Variants in EIF4EBP1 observed in about 807,000 individuals in gnomAD.
The protein encoded by EIF4EBP1 is eukaryotic translation initiation factor 4E binding protein 1.
EIF4EBP1 carries 5 observed loss-of-function variants against 9.2 expected under a neutral mutation model. The observed-to-expected ratio is 0.54, with a 90% CI of 0.28 to 1.14. The LOEUF (loss-of-function observed/expected upper bound fraction) is 1.14. Ranked by LOEUF, EIF4EBP1 falls within the 50% of genes most tolerant of loss-of-function variation. The pLI, the probability that EIF4EBP1 is intolerant of heterozygous loss-of-function variation, is 0.09. For synonymous variants in EIF4EBP1, 62 were observed against 67.0 expected (o/e 0.93, Z 0.36); for missense variants, 139 against 169.6 (o/e 0.82, Z 1.00).
At chr8:38,032,153 G>T (rs900008579) in intron 1 of EIF4EBP1, among the ~76,000 whole-genome samples, 3 of 152,324 alleles carry the variant, frequency 2.0e-5, no homozygotes, top group African/African-American at 7.2e-5. Flanking sequence ...GAAGGCGCAG[G>T]TAGCCCTTTT....
chr8:38,047,286 C>T (rs1315465818), intron 1 of EIF4EBP1: 1 of 152,110 alleles, frequency 6.6e-6, no homozygotes, highest in Non-Finnish European at 1.5e-5. Context: ...ATCCCTAGCA[C>T]CTCGCATGGT....
chr8:38,052,673 G>A (rs1255850610), intron 1 of EIF4EBP1, among the ~76,000 whole-genome samples: 3 of 151,028 alleles, frequency 2.0e-5, no homozygotes, highest in Non-Finnish European at 4.4e-5. Flanking sequence ...AGCCGAGATC[G>A]CACCACTGCA....
At position 38,038,188 on chromosome 8, in the gene EIF4EBP1, G is replaced by A. The variant is rs536677852; in HGVS notation, c.145+7470G>A. On this transcript the variant is annotated intron_variant, in intron 1 of 2. Coordinates refer to ENST00000338825, the MANE Select transcript of EIF4EBP1 (RefSeq NM_004095.4). ...GTATGAAAGTGATATGTGTTCAGTA[G>A]GAATTGTACTTTTAAAAATTGTTTT... is the stretch of plus-strand genomic sequence containing the variant. 3.3e-5 allele frequency among the ~76,000 whole-genome samples: 5 copies of A among 152,112 alleles called. No homozygotes were observed. In the South Asian group the frequency reaches 1.0e-3, roughly 32 times the overall value.
chr8:38,049,918 CTTTTTTTT>C (rs33909903), intron 1 of EIF4EBP1, among the ~76,000 whole-genome samples: 1 of 145,404 alleles, frequency 6.9e-6, no homozygotes, highest in African/African-American at 2.5e-5. Flanking sequence ...TTTCTTTTTT[CTTTTTTTT>C]TTTGAGATGG....
chr8:38,043,950 G>T (rs1563415975), intron 1 of EIF4EBP1, among the ~76,000 whole-genome samples: 1 of 152,142 alleles, frequency 6.6e-6, no homozygotes, highest in Non-Finnish European at 1.5e-5. Flanking sequence ...TCCCTGGACT[G>T]TGTGGCGAGG....
intron 1 of EIF4EBP1, among the ~76,000 whole-genome samples, chr8:38,040,102 T>C (rs1323569282): frequency 6.6e-6 from 1 of 152,104 alleles, no homozygotes; most frequent in African/African-American, 2.4e-5. Flanking sequence ...AGGCTGGTCT[T>C]GAACTCCTGG....
chr8:38,037,143 C>T (rs1488407642), intron 1 of EIF4EBP1, among the ~76,000 whole-genome samples: 3 of 151,986 alleles, frequency 2.0e-5, no homozygotes, highest in South Asian at 2.1e-4. Context: ...ATGAATCACA[C>T]GTTTTTGTTT....
Position 38,059,947 on chromosome 8 carries a change from T to C in EIF4EBP1, c.*12T>C, listed in dbSNP as rs746922076. The C allele has an allele frequency of 1.2e-6, 2 of 1,614,106 alleles. No individual in the cohort carries two copies. Among genetic ancestry groups the C allele is most frequent in the Non-Finnish European group, 1.7e-6 (2 of 1,179,962 alleles). ...AGATGGACATTTAAAGCACCAGCCATCGTGTGGAGCACTACCAAGGGGCCC... is the reference window on the plus strand; with the variant it reads ...AGATGGACATTTAAAGCACCAGCCACCGTGTGGAGCACTACCAAGGGGCCC... On this transcript the variant is annotated 3_prime_UTR_variant, in exon 3 of 3. Transcript: ENST00000338825.
chr8:38,041,338 G>A (rs938473466), intron 1 of EIF4EBP1, among the ~76,000 whole-genome samples: 20 of 152,000 alleles, frequency 1.3e-4, no homozygotes, highest in Non-Finnish European at 2.6e-4. Context: ...TCTAACCTCA[G>A]GCGATCTGCC....
At chr8:38,048,695 C>T (rs1293766359) in intron 1 of EIF4EBP1, among the ~76,000 whole-genome samples, 1 of 152,148 alleles carries the variant, frequency 6.6e-6, no homozygotes, top group Non-Finnish European at 1.5e-5. Context: ...GTCTCTATGG[C>T]CAGGTGCAGT....
At chr8:38,031,072 C>G (rs571508169) in intron 1 of EIF4EBP1, among the ~76,000 whole-genome samples, 1 of 152,178 alleles carries the variant, frequency 6.6e-6, no homozygotes, top group Admixed American at 6.5e-5. Flanking sequence ...GGGTGGCCCA[C>G]GATCCAGGAG....
intron 1 of EIF4EBP1, among the ~76,000 whole-genome samples, chr8:38,035,134 A>G (rs1346689833): frequency 6.6e-6 from 1 of 152,186 alleles, no homozygotes; most frequent in African/African-American, 2.4e-5. Context: ...GAAGCATTCC[A>G]CACTGTGTCC....
intron 1 of EIF4EBP1, among the ~76,000 whole-genome samples, chr8:38,050,213 CTT>C (rs941741618): frequency 6.6e-5 from 10 of 152,184 alleles, no homozygotes; most frequent in East Asian, 1.9e-4. Context: ...CACCCGGCCT[CTT>C]TTGTTTTTCT....
intron 1 of EIF4EBP1, among the ~76,000 whole-genome samples, chr8:38,034,166 C>G (rs1224251867): frequency 1.3e-5 from 2 of 152,102 alleles, no homozygotes; most frequent in South Asian, 4.2e-4. Context: ...CCTGCCTCAG[C>G]CTTGCAAGTA....
At chr8:38,056,007 G>A (rs1809589946) in intron 1 of EIF4EBP1, among the ~76,000 whole-genome samples, 1 of 151,796 alleles carries the variant, frequency 6.6e-6, no homozygotes, top group Admixed American at 6.6e-5. Flanking sequence ...GCTCTTCTCC[G>A]CAAAGCCCAG....
chr8:38,055,596 T>C (rs1364853794), intron 1 of EIF4EBP1, among the ~76,000 whole-genome samples: 1 of 151,000 alleles, frequency 6.6e-6, no homozygotes, highest in Non-Finnish European at 1.5e-5. Flanking sequence ...TATTTTATTA[T>C]AGAATCTATA....
intron 1 of EIF4EBP1, among the ~76,000 whole-genome samples, chr8:38,037,464 C>T (rs756125512): frequency 5.9e-5 from 9 of 152,028 alleles, no homozygotes; most frequent in Non-Finnish European, 1.0e-4. Context: ...TACAGGCACG[C>T]ACCACCACAC....
intron 1 of EIF4EBP1, among the ~76,000 whole-genome samples, chr8:38,050,513 C>T (rs1809504867): frequency 6.6e-6 from 1 of 152,072 alleles, no homozygotes; most frequent in Non-Finnish European, 1.5e-5. Context: ...CCACGCTTGG[C>T]TAATTTTTGT....
intron 1 of EIF4EBP1, among the ~76,000 whole-genome samples, chr8:38,050,768 C>A (rs1809509785): frequency 6.6e-6 from 1 of 152,060 alleles, no homozygotes; most frequent in Non-Finnish European, 1.5e-5. Flanking sequence ...AGGTGTGAAC[C>A]ACTGCACCGG....
Sources: gnomAD v4.1 joint callset for allele counts (sites outside exome capture counted in the v4.1 genomes callset) on GRCh38, gnomAD v4.1.1 for gene constraint, MANE v1.5 for transcripts, NCBI Gene and HGNC (gene_info 2026-07-23, HGNC 2026-07-21) for gene names.